The following RBP2 variants were observed in gnomAD, a reference collection of about 807,000 sequenced individuals.
The protein encoded by RBP2 is retinol-binding protein 2.
Under a neutral mutation model 17.0 loss-of-function variants are expected in RBP2, and 17 were observed. The ratio of observed to expected loss-of-function variants is 1.00; its 90% CI spans 0.68 to 1.50. The LOEUF (loss-of-function observed/expected upper bound fraction) is 1.50, where lower values mean the gene tolerates loss of function less well. RBP2 is among the 40% of genes most tolerant of loss of function. The probability of loss-of-function intolerance (pLI) is 0.00; values close to 1 mark genes in which losing one functional copy is unlikely to be tolerated. For synonymous variants in RBP2, 48 were observed against 57.1 expected, an observed-to-expected ratio of 0.84 and a Z score of 0.72; for missense variants, 158 against 168.2, an observed-to-expected ratio of 0.94 and a Z score of 0.33.
chr3:139,472,911 C>T (rs1228876463), intron 1 of RBP2, among the ~76,000 whole-genome samples: 4 of 152,228 alleles, frequency 2.6e-5, no homozygotes, highest in Non-Finnish European at 4.4e-5. Context: ...GCATCCACAG[C>T]ACCTTCTAAA....
chr3:139,464,763 A>G (rs2107875198), intron 1 of RBP2, among the ~76,000 whole-genome samples: 1 of 152,328 alleles, frequency 6.6e-6, no homozygotes, highest in Admixed American at 6.5e-5. Flanking sequence ...CTCACCTCTC[A>G]TTCTCTACTA....
rs138206495 is a variant in RBP2 at position 139,467,383 on chromosome 3, A to G, written c.74-5093T>C. Among the ~76,000 whole-genome samples, 677 of 152,294 alleles carry G rather than the reference A, an allele frequency of 4.4e-3. 8 individuals carry two copies. Among genetic ancestry groups the G allele is most frequent in the African/African-American group, 0.016 (659 of 41,562 alleles). ...TCTGGGGCCCACCCTAGACCTATAAAGTAGGAGCTCTGTTGGCCAGGCTCT... is the reference window on the plus strand; with the variant it reads ...TCTGGGGCCCACCCTAGACCTATAAGGTAGGAGCTCTGTTGGCCAGGCTCT... On this transcript the variant is annotated intron_variant, in intron 1 of 3. Transcript: ENST00000232217.
At chr3:139,469,683 GTCTGTCTA>G (rs376955306) in intron 1 of RBP2, among the ~76,000 whole-genome samples, 4,596 of 127,284 alleles carry the variant, frequency 0.036, 90 homozygotes, top group African/African-American at 0.062. Context: ...CTGTCTGTCT[GTCTGTCTA>G]TCTATCTATC....
chr3:139,471,362 G>A (rs866513053), intron 1 of RBP2, among the ~76,000 whole-genome samples: 5 of 152,126 alleles, frequency 3.3e-5, no homozygotes, highest in Non-Finnish European at 5.9e-5. Flanking sequence ...ACACATATTC[G>A]GGGAATATTT....
chr3:139,456,440 A>G (rs749265173), intron 2 of RBP2, among the ~76,000 whole-genome samples: 3 of 152,214 alleles, frequency 2.0e-5, no homozygotes, highest in Non-Finnish European at 1.5e-5. Flanking sequence ...TCTTTGTTAC[A>G]GCAAAGGACT....
At chr3:139,454,981 T>A in intron 2 of RBP2, 151 bp from the exon 3 acceptor site, 1 of 694,212 alleles carries the variant, frequency 1.4e-6, no homozygotes, top group South Asian at 1.8e-5. Context: ...ATGCTTCCAA[T>A]GTCATTTTCC....
intron 1 of RBP2, among the ~76,000 whole-genome samples, chr3:139,470,902 C>G (rs1038978260): frequency 6.6e-6 from 1 of 152,034 alleles, no homozygotes; most frequent in African/African-American, 2.4e-5. Context: ...TTCTTGAACA[C>G]ACCCAAAACC....
intron 1 of RBP2, among the ~76,000 whole-genome samples, chr3:139,462,558 A>ACACACACACACACAC (rs1933225306): frequency 8.2e-6 from 1 of 121,348 alleles, no homozygotes; most frequent in African/African-American, 3.8e-5. Flanking sequence ...GCAGCTCCCC[A>ACACACACACACACAC]ACACACACAC....
Position 139,472,456 on chromosome 3 carries a change from C to T in RBP2, c.73+3931G>A, listed in dbSNP as rs554236106. Among the ~76,000 whole-genome samples, 9 of 152,190 alleles carry T rather than the reference C, an allele frequency of 5.9e-5. No homozygotes were observed. The East Asian group carries it at 7.7e-4, about 13-fold the overall frequency. On this transcript the variant is annotated intron_variant, in intron 1 of 3. Coordinates refer to ENST00000232217, the MANE Select transcript of RBP2 (RefSeq NM_004164.3). ...AATAGAATATGGTGGAAGTGGTACCCGGTAGCTTCTGAAGCTGGGTCATAA... is the reference window on the plus strand; with the variant it reads ...AATAGAATATGGTGGAAGTGGTACCTGGTAGCTTCTGAAGCTGGGTCATAA...
intron 2 of RBP2, among the ~76,000 whole-genome samples, chr3:139,458,192 C>CTT (rs5852944): frequency 8.8e-5 from 13 of 148,530 alleles, no homozygotes; most frequent in East Asian, 5.9e-4. Flanking sequence ...CTCGCCAACA[C>CTT]TTTTTTTTTT....
intron 1 of RBP2, among the ~76,000 whole-genome samples, chr3:139,476,062 A>G (rs35674260): frequency 0.63 from 95,450 of 152,126 alleles, 32,675 homozygotes; most frequent in East Asian, 0.96. Flanking sequence ...ACAAGGCAGA[A>G]GAGCGACTGT....
At chr3:139,456,396 C>G (rs1278393960) in intron 2 of RBP2, among the ~76,000 whole-genome samples, 2 of 152,094 alleles carry the variant, frequency 1.3e-5, no homozygotes, top group African/African-American at 4.8e-5. Context: ...CAATTTTATT[C>G]CTTCTCATTT....
chr3:139,472,520 C>A (rs1370634926), intron 1 of RBP2, among the ~76,000 whole-genome samples: 2 of 152,280 alleles, frequency 1.3e-5, no homozygotes, highest in African/African-American at 2.4e-5. Flanking sequence ...TTGGATACAG[C>A]CAGCATGCTG....
chr3:139,453,673 G>T (rs1160343842), intron 3 of RBP2, among the ~76,000 whole-genome samples: 3 of 152,188 alleles, frequency 2.0e-5, no homozygotes, highest in Non-Finnish European at 4.4e-5. Context: ...AGCCGACAAG[G>T]TCCCGCTTTT....
chr3:139,453,293 T>C (rs1943343299), intron 3 of RBP2, 127 bp from the exon 4 acceptor site: 2 of 989,476 alleles, frequency 2.0e-6, no homozygotes, highest in African/African-American at 3.2e-5. Context: ...CTGGGCAAAG[T>C]GCATCTCACA....
chr3:139,473,009 A>G (rs9824970), intron 1 of RBP2, among the ~76,000 whole-genome samples: 89 of 152,252 alleles, frequency 5.8e-4, no homozygotes, highest in Non-Finnish European at 9.6e-4. Context: ...AGACCTCCTT[A>G]TGTCTGTCCT....
At chr3:139,453,275 T>A in intron 3 of RBP2, 109 bp from the exon 4 acceptor site, 1 of 1,246,934 alleles carries the variant, frequency 8.0e-7, no homozygotes, top group Non-Finnish European at 1.2e-6. Context: ...AGAGGACACT[T>A]AGGTATTCTG....
intron 2 of RBP2, among the ~76,000 whole-genome samples, chr3:139,459,121 G>A (rs1472896678): frequency 6.6e-6 from 1 of 152,066 alleles, no homozygotes; most frequent in African/African-American, 2.4e-5. Flanking sequence ...GCTTGTAAGG[G>A]TGACCAAGTA....
intron 2 of RBP2, among the ~76,000 whole-genome samples, chr3:139,456,012 C>G (rs1412663410): frequency 1.3e-5 from 2 of 152,224 alleles, no homozygotes; most frequent in Non-Finnish European, 2.9e-5. Context: ...CCTAGGTGGT[C>G]CTACAGGGCC....
Sources: allele counts gnomAD v4.1 joint callset (sites outside exome capture counted in the v4.1 genomes callset), GRCh38; gene constraint gnomAD v4.1.1; transcripts MANE v1.5; gene names NCBI Gene and HGNC (gene_info 2026-07-23, HGNC 2026-07-21).